PTPRT: variants seen among roughly 807,000 people sequenced by gnomAD.
PTPRT encodes the protein protein tyrosine phosphatase receptor type T.
Under a neutral mutation model 176.8 loss-of-function variants are expected in PTPRT, and 56 were observed. That is an observed-to-expected ratio of 0.32 (90% CI 0.26 to 0.40). The LOEUF (loss-of-function observed/expected upper bound fraction) is 0.40. PTPRT is among the 10% of genes least tolerant of loss of function. PTPRT has a pLI of 1.00. For missense variants in PTPRT, 1,540 were observed against 1,908.2 expected (o/e 0.81, Z 3.60); for synonymous variants, 783 against 739.0 (o/e 1.06, Z -0.96).
In PTPRT at chr20:42,861,840, G is replaced by A. The variant is rs7264330; in HGVS notation, c.214+23967C>T. On this transcript the variant is annotated intron_variant, in intron 2 of 30. Coordinates refer to ENST00000373187, the MANE Select transcript of PTPRT (RefSeq NM_007050.6). The stretch of plus-strand genomic sequence containing the variant: ...GCAAGTGAAAAGCCTTGAGACAGGA[G>A]AGAGCCTGGTGTGGTTAAAAAAAAA... Among the ~76,000 whole-genome samples the A allele has an allele frequency of 3.4e-3, 524 of 152,120 alleles. 1 individual carries two copies. Among genetic ancestry groups the A allele is most frequent in the African/African-American group, 0.012 (478 of 41,466 alleles).
At position 43,059,050 on chromosome 20, in the gene PTPRT, T is replaced by A. The variant is rs549076994; in HGVS notation, c.88+130596A>T. Among the ~76,000 whole-genome samples, 4 of 152,286 alleles carry A rather than the reference T, an allele frequency of 2.6e-5. No homozygotes were observed. In the East Asian group the frequency reaches 5.8e-4, roughly 22 times the overall value. On this transcript the variant is annotated intron_variant, in intron 1 of 30. Coordinates refer to ENST00000373187, the MANE Select transcript of PTPRT (RefSeq NM_007050.6). ...GGGAGCTCTTCCTTTGAAACCAGTC[T>A]GCACCCTGCACCTAGCCCTTGCACT... is the stretch of plus-strand genomic sequence containing the variant.
At chr20:42,985,192 C>T (rs6030586) in intron 1 of PTPRT, among the ~76,000 whole-genome samples, 3,387 of 152,128 alleles carry the variant, frequency 0.022, 120 homozygotes, top group African/African-American at 0.077. Flanking sequence ...CATGCCAGGC[C>T]CTGTACTAGA....
chr20:42,974,701 A>C (rs1234377057), intron 1 of PTPRT, among the ~76,000 whole-genome samples: 1 of 152,260 alleles, frequency 6.6e-6, no homozygotes. Flanking sequence ...GACAGAGAAG[A>C]GGAAAAATCT....
chr20:42,120,243 G>A (rs751634910), intron 19 of PTPRT, among the ~76,000 whole-genome samples: 4 of 152,112 alleles, frequency 2.6e-5, no homozygotes, highest in Non-Finnish European at 5.9e-5. Context: ...AGATTGGATG[G>A]GCATTGCTTA....
At chr20:42,634,046 TATATATTATAA>T (rs1188436719) in intron 7 of PTPRT, among the ~76,000 whole-genome samples, 2,447 of 35,932 alleles carry the variant, frequency 0.068, 224 homozygotes, top group Non-Finnish European at 0.084. Context: ...ATATATTATA[TATATATTATAA>T]ATATATAATA....
chr20:43,144,422 C>A (rs543520099), intron 1 of PTPRT, among the ~76,000 whole-genome samples: 2 of 152,288 alleles, frequency 1.3e-5, no homozygotes, highest in East Asian at 3.9e-4. Context: ...TCAGATACAG[C>A]CACCTAATCC....
chr20:42,303,287 G>T (rs2057496760), intron 12 of PTPRT, among the ~76,000 whole-genome samples: 1 of 152,226 alleles, frequency 6.6e-6, no homozygotes, highest in Non-Finnish European at 1.5e-5. Flanking sequence ...TATGATAATT[G>T]TTATTAGTAC....
intron 13 of PTPRT, among the ~76,000 whole-genome samples, chr20:42,263,675 G>A (rs1390886721): frequency 6.7e-6 from 1 of 148,152 alleles, no homozygotes; most frequent in Non-Finnish European, 1.5e-5. Flanking sequence ...CACTGCGCCG[G>A]GCCTTTTTTT....
intron 1 of PTPRT, among the ~76,000 whole-genome samples, chr20:43,169,517 T>C (rs1192133971): frequency 6.6e-6 from 1 of 152,228 alleles, no homozygotes; most frequent in Non-Finnish European, 1.5e-5. Flanking sequence ...GTTATAAATG[T>C]AGCAACAGTT....
intron 9 of PTPRT, among the ~76,000 whole-genome samples, chr20:42,380,335 A>C (rs1332894253): frequency 6.6e-6 from 1 of 151,966 alleles, no homozygotes; most frequent in South Asian, 2.1e-4. Context: ...TGCATTAGGC[A>C]CTGACTGGTA....
chr20:42,303,057 G>T (rs1447507766), intron 12 of PTPRT, among the ~76,000 whole-genome samples: 1 of 152,178 alleles, frequency 6.6e-6, no homozygotes, highest in Non-Finnish European at 1.5e-5. Context: ...TAGTTTCTCT[G>T]CACCTCATGA....
intron 1 of PTPRT, among the ~76,000 whole-genome samples, chr20:43,124,920 A>G (rs1484554875): frequency 6.6e-6 from 1 of 152,214 alleles, no homozygotes; most frequent in African/African-American, 2.4e-5. Context: ...GATTTTTGAG[A>G]TAAGCATTGT....
chr20:42,058,671 TGAA>T, the PTPRT span, among the ~76,000 whole-genome samples: 1 of 152,158 alleles, frequency 6.6e-6, no homozygotes, highest in African/African-American at 2.4e-5. Flanking sequence ...CCTGAATCAG[TGAA>T]GGAGGCTTCT....
intron 1 of PTPRT, among the ~76,000 whole-genome samples, chr20:42,930,991 A>T (rs1255235848): frequency 6.6e-6 from 1 of 152,128 alleles, no homozygotes; most frequent in African/African-American, 2.4e-5. Flanking sequence ...TGTTTAGACC[A>T]ATCAACCTTC....
intron 9 of PTPRT, among the ~76,000 whole-genome samples, chr20:42,362,114 A>C (rs1242147564): frequency 1.3e-5 from 2 of 152,092 alleles, no homozygotes; most frequent in Admixed American, 1.3e-4. Context: ...TTTTTTTTAA[A>C]AAATAGCCAG....
At chr20:42,105,459 C>A (rs1460748092) in intron 24 of PTPRT, among the ~76,000 whole-genome samples, 1 of 152,178 alleles carries the variant, frequency 6.6e-6, no homozygotes, top group Non-Finnish European at 1.5e-5. Flanking sequence ...TTTTCCATAC[C>A]TTTAATGTTT....
At chr20:42,836,947 T>C (rs2078191227) in intron 2 of PTPRT, among the ~76,000 whole-genome samples, 1 of 152,170 alleles carries the variant, frequency 6.6e-6, no homozygotes, top group African/African-American at 2.4e-5. Flanking sequence ...ATGTGTCCAG[T>C]GTGGCTCAGC....
chr20:43,039,913 C>T (rs1020796598), intron 1 of PTPRT, among the ~76,000 whole-genome samples: 8 of 151,864 alleles, frequency 5.3e-5, no homozygotes, highest in East Asian at 1.9e-4. Context: ...CAGTGGCATG[C>T]GCCTGTAGAC....
At chr20:42,859,736 A>G (rs929980989) in intron 2 of PTPRT, among the ~76,000 whole-genome samples, 6 of 150,736 alleles carry the variant, frequency 4.0e-5, no homozygotes, top group Non-Finnish European at 7.4e-5. Flanking sequence ...GGCACCTGGC[A>G]CCATGGCCGG....
Sources: gnomAD v4.1 joint callset for allele counts (sites outside exome capture counted in the v4.1 genomes callset) on GRCh38, gnomAD v4.1.1 for gene constraint, MANE v1.5 for transcripts, NCBI Gene and HGNC (gene_info 2026-07-23, HGNC 2026-07-21) for gene names.